Variants in PER3 observed in about 807,000 individuals in gnomAD.
The protein encoded by PER3 is period circadian protein homolog 3.
PER3 carries 107 observed loss-of-function variants against 127.2 expected under a neutral mutation model. The ratio of observed to expected loss-of-function variants is 0.84; its 90% CI spans 0.72 to 0.99. The LOEUF is 0.99. Among genes scored for constraint, PER3 ranks in the 50% least tolerant of loss-of-function variants. The probability of loss-of-function intolerance (pLI) is 0.00; values close to 1 mark genes in which losing one functional copy is unlikely to be tolerated. For synonymous variants in PER3, 618 were observed against 585.8 expected, an observed-to-expected ratio of 1.05 and a Z score of -0.79; for missense variants, 1,560 against 1,525.8, an observed-to-expected ratio of 1.02 and a Z score of -0.37.
rs111665233 is a variant in PER3, at chr1:7,811,327, A to G, written c.1522+739A>G. On this transcript the variant is annotated intron_variant, in intron 13 of 21. Coordinates refer to ENST00000377532, the MANE Select transcript of PER3 (RefSeq NM_001377275.1). ...TGGGGTGAAATTTTTGAGGTCAATA[A>G]TGATAACAGCTATATGCTTCAGGAC... Among the ~76,000 whole-genome samples the G allele has an allele frequency of 7.0e-3, 1,061 of 152,316 alleles. 6 individuals are homozygous for G. Among genetic ancestry groups the G allele is most frequent in the African/African-American group, 0.025 (1,036 of 41,568 alleles).
chr1:7,814,891 A>G (rs1214362417), intron 13 of PER3, among the ~76,000 whole-genome samples: 4 of 152,230 alleles, frequency 2.6e-5, no homozygotes, highest in African/African-American at 7.2e-5. Context: ...AAGAATATAT[A>G]TTGGAAACTT....
chr1:7,815,749 G>A (rs1481332634), intron 13 of PER3, among the ~76,000 whole-genome samples: 7 of 151,860 alleles, frequency 4.6e-5, no homozygotes, highest in African/African-American at 1.7e-4. Context: ...ACTTTAGGGG[G>A]CCGAGGTGGG....
intron 13 of PER3, among the ~76,000 whole-genome samples, chr1:7,812,016 A>G (rs10864316): frequency 0.16 from 23,861 of 152,140 alleles, 2,122 homozygotes; most frequent in Non-Finnish European, 0.19. Context: ...TTTTTACTAT[A>G]TAGATTATTA....
chr1:7,794,616 C>CTT (rs1167357088), intron 6 of PER3, among the ~76,000 whole-genome samples: 2 of 152,002 alleles, frequency 1.3e-5, no homozygotes, highest in African/African-American at 4.8e-5. Context: ...GTTTTGGGCT[C>CTT]TTTTTTGTTT....
rs1217122817 is a variant in PER3 at position 7,784,748 on chromosome 1, C to T, written c.-130C>T. The T allele has an allele frequency of 2.0e-6, 2 of 985,502 alleles. No homozygotes were observed. The highest frequency in any genetic ancestry group is 1.4e-6 in the Non-Finnish European group (1 of 727,954). 61.0% of individuals were successfully genotyped at this position (985,502 alleles called of 1,614,324 possible). ...AGCGTGACCCCCTGGCTCGTGGTGGCCGCCTGTTCTCACTAACGCCATGGC... is the reference window on the plus strand; with the variant it reads ...AGCGTGACCCCCTGGCTCGTGGTGGTCGCCTGTTCTCACTAACGCCATGGC... On this transcript the variant is annotated 5_prime_UTR_variant, in exon 2 of 22. Transcript: ENST00000377532.
intron 10 of PER3, among the ~76,000 whole-genome samples, chr1:7,806,984 C>G (rs1324088657): frequency 1.3e-5 from 2 of 151,858 alleles, no homozygotes; most frequent in East Asian, 3.9e-4. Context: ...TTCAAGCTCA[C>G]AATGTGTTTA....
Position 7,801,104 on chromosome 1 carries a change from T to C in PER3, c.794-9T>C. ...GCCTTTAAATGGGTCTTTGTTTTTT[T>C]TTCCTTAGCTCCTCGGATCCCAGTG... On this transcript the variant is annotated splice_polypyrimidine_tract_variant and intron_variant, in intron 7 of 21. Transcript: ENST00000377532. 6.3e-7 allele frequency: 1 copy of C among 1,586,514 alleles called. No homozygotes were observed. The highest frequency in any genetic ancestry group is 1.1e-5 in the South Asian group (1 of 88,696).
At chr1:7,815,991 CAAAAAAA>C (rs34144861) in intron 13 of PER3, among the ~76,000 whole-genome samples, 7,352 of 67,716 alleles carry the variant, frequency 0.11, 215 homozygotes, top group Middle Eastern at 0.16. Context: ...GACTCCGTCT[CAAAAAAA>C]AAAAAAAAAA....
chr1:7,827,280 C>T lies in PER3; in HGVS notation c.2351C>T (p.Ser784Phe). 6.2e-7 allele frequency: 1 copy of T among 1,613,842 alleles called. No individual in the cohort carries two copies. Among genetic ancestry groups the T allele is most frequent in the Non-Finnish European group, 8.5e-7 (1 of 1,179,880 alleles). ...CAGCCCTGCTGCCCCTCCGCGGCCT[C>T]CTCTCCGCACACCTCGAGCCCGACC... ...NAQPCCPSAASSPHTSSPTFP... is the reference protein window; with the variant it reads ...NAQPCCPSAAFSPHTSSPTFP... Residue 784 changes from serine (S) to phenylalanine (F), a missense_variant, in exon 18 of 22, where the codon TCC becomes TTC. Transcript: ENST00000377532.
chr1:7,812,912 C>T (rs954248286), intron 13 of PER3, among the ~76,000 whole-genome samples: 1 of 151,996 alleles, frequency 6.6e-6, no homozygotes, highest in African/African-American at 2.4e-5. Flanking sequence ...CATGAGGATG[C>T]AACTTAAAAA....
intron 8 of PER3, among the ~76,000 whole-genome samples, chr1:7,802,261 G>GT (rs148661285): frequency 0.081 from 12,335 of 151,732 alleles, 657 homozygotes; most frequent in Middle Eastern, 0.17. Flanking sequence ...GTGACATTGT[G>GT]TTTTTTTTGT....
Position 7,842,877 on chromosome 1 carries a change from G to T in PER3, c.*122G>T. On this transcript the variant is annotated 3_prime_UTR_variant, in exon 22 of 22. Coordinates refer to ENST00000377532, the MANE Select transcript of PER3 (RefSeq NM_001377275.1). ...TTGAATGTTAAGATTTTTTCTTCTTGATTTTTTAATACACGTAATCTTTTT... is the reference window on the plus strand; with the variant it reads ...TTGAATGTTAAGATTTTTTCTTCTTTATTTTTTAATACACGTAATCTTTTT... 2.8e-6 allele frequency: 2 copies of T among 705,178 alleles called. No homozygotes were observed. The highest frequency in any genetic ancestry group is 4.4e-6 in the Non-Finnish European group (2 of 454,362). 43.7% of individuals were successfully genotyped at this position (705,178 alleles called of 1,614,324 possible).
chr1:7,810,375 A>G, intron 12 of PER3, 63 bp from the exon 13 acceptor site: 1 of 1,166,214 alleles, frequency 8.6e-7, no homozygotes, highest in Non-Finnish European at 1.2e-6. Context: ...TATTTTGTTT[A>G]TGTATCTTTT....
intron 6 of PER3, among the ~76,000 whole-genome samples, chr1:7,794,388 G>T (rs1315671174): frequency 6.6e-6 from 1 of 152,168 alleles, no homozygotes. Flanking sequence ...AGCTACTCGG[G>T]AGGCTGAGGC....
rs1042188494 is a variant in PER3 at position 7,784,777 on chromosome 1, G to C, written c.-101G>C. ...CTGTTCTCACTAACGCCATGGCGGG[G>C]ACCGGAGTGAGAAACCGGTGTCTGT... On this transcript the variant is annotated 5_prime_UTR_variant, in exon 2 of 22. Transcript: ENST00000377532. 439 of 1,247,954 alleles carry C rather than the reference G, an allele frequency of 3.5e-4. No individual in the cohort carries two copies. Among genetic ancestry groups the C allele is most frequent in the Non-Finnish European group, 4.4e-4 (419 of 962,184 alleles). 77.3% of individuals were successfully genotyped at this position (1,247,954 alleles called of 1,614,324 possible). A position where few individuals can be genotyped will look rare whatever the true frequency, so the allele number is the denominator to read the frequency against.
intron 21 of PER3, among the ~76,000 whole-genome samples, chr1:7,838,062 C>CGTGT (rs79477792): frequency 1.1e-4 from 16 of 151,118 alleles, no homozygotes; most frequent in South Asian, 4.2e-4. Flanking sequence ...ACAAATAATT[C>CGTGT]GTGTGTGTGT....
intron 7 of PER3, among the ~76,000 whole-genome samples, chr1:7,799,601 A>C: frequency 7.1e-6 from 1 of 141,364 alleles, no homozygotes; most frequent in African/African-American, 2.7e-5. Context: ...CAAGAGTAAA[A>C]CTCTGTCTCA....
chr1:7,834,163 G>A (rs1018468829), intron 19 of PER3, among the ~76,000 whole-genome samples: 12 of 152,064 alleles, frequency 7.9e-5, no homozygotes, highest in East Asian at 3.9e-4. Flanking sequence ...CAGGCGATCC[G>A]CCCGCCTTGG....
intron 8 of PER3, among the ~76,000 whole-genome samples, chr1:7,802,303 C>T (rs1426590784): frequency 2.0e-5 from 3 of 152,080 alleles, no homozygotes; most frequent in Non-Finnish European, 4.4e-5. Flanking sequence ...CACACTGTTG[C>T]CCGGGCTGGA....
Sources: allele counts gnomAD v4.1 joint callset (sites outside exome capture counted in the v4.1 genomes callset), GRCh38; gene constraint gnomAD v4.1.1; transcripts MANE v1.5; gene names NCBI Gene and HGNC (gene_info 2026-07-23, HGNC 2026-07-21).